The following BCAS4 variants were observed in gnomAD, a reference collection of about 807,000 sequenced individuals.
BCAS4 encodes breast carcinoma-amplified sequence 4.
BCAS4 carries 9 observed loss-of-function variants against 15.7 expected under a neutral mutation model. That is an observed-to-expected ratio of 0.57 (90% confidence interval 0.34 to 1.00). The LOEUF (loss-of-function observed/expected upper bound fraction) is 1.00, where lower values mean the gene tolerates loss of function less well. BCAS4 is among the 50% of genes least tolerant of loss of function. The pLI, the probability that BCAS4 is intolerant of heterozygous loss-of-function variation, is 0.02. For missense variants in BCAS4, 225 were observed against 239.1 expected, an observed-to-expected ratio of 0.94 and a Z score of 0.39; for synonymous variants, 101 against 99.5, an observed-to-expected ratio of 1.02 and a Z score of -0.09.
rs531006348 is a variant in BCAS4, at chr20:50,823,202, C to T, written c.162+4920C>T. Among the ~76,000 whole-genome samples the T allele has an allele frequency of 5.9e-5, 9 of 151,730 alleles. No individual in the cohort carries two copies. In the South Asian group the frequency reaches 6.3e-4, roughly 11 times the overall value. On this transcript the variant is annotated intron_variant, in intron 2 of 4. Coordinates refer to ENST00000371608, the MANE Select transcript of BCAS4 (RefSeq NM_198799.4). ...TAAAAATACAAAAATTAGTTGGGTG[C>T]GGTGGCATACACCTGTAGTACCAGC...
chr20:50,870,399 G>T (rs1347284560), intron 4 of BCAS4, among the ~76,000 whole-genome samples: 1 of 152,186 alleles, frequency 6.6e-6, no homozygotes, highest in Non-Finnish European at 1.5e-5. Context: ...TGTTCTGACT[G>T]GGGGGCTTCA....
At chr20:50,840,787 G>T (rs920383315) in intron 3 of BCAS4, 2 of 1,471,154 alleles carry the variant, frequency 1.4e-6, no homozygotes, top group Non-Finnish European at 1.9e-6. Flanking sequence ...ACGCGAGAAC[G>T]AGCGAAGTCT....
rs1299383260 is a variant in BCAS4 at position 50,795,078 on chromosome 20, C to T, written c.-6C>T. The stretch of plus-strand genomic sequence containing the variant: ...CCTCCGCCAGCCGGACCCCGTCGCC[C>T]TCCTGATGCTGCTCGTGGACGCTGA... On this transcript the variant is annotated 5_prime_UTR_variant, in exon 1 of 5. Transcript: ENST00000371608. 55 of 1,497,032 alleles carry T rather than the reference C, an allele frequency of 3.7e-5. No individual in the cohort carries two copies. The highest frequency in any genetic ancestry group is 4.8e-5 in the Non-Finnish European group (54 of 1,124,022). The allele number at this position is 1,497,032 out of a possible 1,614,324, so 92.7% of individuals were successfully genotyped here.
intron 4 of BCAS4, among the ~76,000 whole-genome samples, chr20:50,846,039 T>C (rs544944220): frequency 6.6e-6 from 1 of 152,332 alleles, no homozygotes; most frequent in African/African-American, 2.4e-5. Context: ...AGCCCTACCT[T>C]TGAGCTGCCT....
chr20:50,871,064 G>C lies in BCAS4; in HGVS notation c.400-5422G>C, dbSNP rs892668877. On this transcript the variant is annotated intron_variant, in intron 4 of 4. Transcript: ENST00000371608. ...CCCCAGCGGGGACTCATTCCCAGCC[G>C]GAGGGCGAGAGGTGGGACGTGGAGA... Among the ~76,000 whole-genome samples, 4 of 152,348 alleles carry C rather than the reference G, an allele frequency of 2.6e-5. No homozygotes were observed. The East Asian group carries it at 5.8e-4, about 22-fold the overall frequency.
chr20:50,878,178 C>T (rs1980034475), downstream of BCAS4: 1 of 152,022 alleles, frequency 6.6e-6, no homozygotes, highest in Non-Finnish European at 1.5e-5. Flanking sequence ...ATTCTCTTTT[C>T]TTTTTTTTCG....
chr20:50,856,541 T>G (rs746641206), intron 4 of BCAS4, among the ~76,000 whole-genome samples: 1 of 152,182 alleles, frequency 6.6e-6, no homozygotes, highest in Non-Finnish European at 1.5e-5. Flanking sequence ...AATTTCAAGG[T>G]GCCACCCTGA....
chr20:50,813,822 T>A (rs1276693321), intron 1 of BCAS4, among the ~76,000 whole-genome samples: 3 of 150,816 alleles, frequency 2.0e-5, no homozygotes, highest in Non-Finnish European at 3.0e-5. Flanking sequence ...AAACCATGAT[T>A]CGCAGGTGTT....
At chr20:50,795,000 C>G, upstream of BCAS4, 1 of 1,329,180 alleles carries the variant, frequency 7.5e-7, no homozygotes, top group Non-Finnish European at 9.6e-7. Context: ...GGGCATGCAG[C>G]GGACCGGGGG....
intron 3 of BCAS4, chr20:50,840,626 C>T: frequency 1.2e-6 from 2 of 1,604,242 alleles, no homozygotes; most frequent in Non-Finnish European, 1.7e-6. Context: ...TACGATTCGC[C>T]TGCTTGCTTC....
At chr20:50,867,286 A>G (rs1180339623) in intron 4 of BCAS4, among the ~76,000 whole-genome samples, 1 of 152,078 alleles carries the variant, frequency 6.6e-6, no homozygotes, top group African/African-American at 2.4e-5. Flanking sequence ...GGCCTATGAC[A>G]GTTTCTCAGA....
chr20:50,838,920 G>A (rs899166567), intron 3 of BCAS4, among the ~76,000 whole-genome samples: 7 of 152,062 alleles, frequency 4.6e-5, no homozygotes, highest in Non-Finnish European at 7.4e-5. Context: ...AGAGCAGGGC[G>A]CTATAGGCAG....
rs562999148 is a variant in BCAS4 at position 50,848,496 on chromosome 20, T to C, written c.399+6596T>C. Among the ~76,000 whole-genome samples, 13 of 151,788 alleles carry C rather than the reference T, an allele frequency of 8.6e-5. No individual in the cohort carries two copies. In the East Asian group the frequency reaches 2.5e-3, roughly 29 times the overall value. ...GCTGCCTGCATGAGCCAGGGCAGAG[T>C]GGAGAGAGAGAAGGTCTGGGAGGTA... On this transcript the variant is annotated intron_variant, in intron 4 of 4. Transcript: ENST00000371608.
chr20:50,804,101 C>T (rs546514345), intron 1 of BCAS4, among the ~76,000 whole-genome samples: 3 of 152,086 alleles, frequency 2.0e-5, no homozygotes, highest in Non-Finnish European at 2.9e-5. Context: ...TATAATGGCG[C>T]GATCTCAGCT....
intron 3 of BCAS4, among the ~76,000 whole-genome samples, chr20:50,838,324 C>G (rs1221392214): frequency 6.6e-6 from 1 of 152,168 alleles, no homozygotes; most frequent in East Asian, 1.9e-4. Context: ...TTTCAGAGGG[C>G]AATGAGGGCT....
chr20:50,795,120 C>A lies in BCAS4; in HGVS notation c.37C>A (p.Arg13Ser), dbSNP rs758469699. The change falls in exon 1 of 5, where the codon CGC (arginine) becomes AGC (serine). Residue 13 changes from arginine (R) to serine (S), a missense_variant. Transcript: ENST00000371608. ...LVDADQPEPM[R>S]SGARELALFL... is the part of the protein sequence containing the mutation. Reference sequence around the variant, plus strand: ...GGACGCTGATCAGCCGGAGCCCATGCGCAGCGGGGCGCGCGAGCTCGCGCT... The same window carrying A: ...GGACGCTGATCAGCCGGAGCCCATGAGCAGCGGGGCGCGCGAGCTCGCGCT... The A allele has an allele frequency of 3.4e-6, 5 of 1,489,038 alleles. No homozygotes were observed. The highest frequency in any genetic ancestry group is 4.5e-6 in the Non-Finnish European group (5 of 1,118,216). The allele number at this position is 1,489,038 out of a possible 1,614,324, so 92.2% of individuals were successfully genotyped here.
At chr20:50,870,009 G>A (rs57183386) in intron 4 of BCAS4, among the ~76,000 whole-genome samples, 36,871 of 151,926 alleles carry the variant, frequency 0.24, 6,658 homozygotes, top group African/African-American at 0.51. Flanking sequence ...TCAGCTTCCC[G>A]AAGTGCTGGG....
intron 3 of BCAS4, among the ~76,000 whole-genome samples, chr20:50,837,987 C>T (rs1350967127): frequency 1.4e-5 from 2 of 139,244 alleles, no homozygotes; most frequent in African/African-American, 3.0e-5. Context: ...CACACACGCA[C>T]ACATCTGCAC....
downstream of BCAS4, chr20:50,878,403 C>T (rs1980043026): frequency 6.6e-6 from 1 of 152,180 alleles, no homozygotes; most frequent in Non-Finnish European, 1.5e-5. Flanking sequence ...CTCCTGACCT[C>T]AGGTGATCCT....
Sources: gnomAD v4.1 joint callset for allele counts (sites outside exome capture counted in the v4.1 genomes callset) on GRCh38, gnomAD v4.1.1 for gene constraint, MANE v1.5 for transcripts, NCBI Gene and HGNC (gene_info 2026-07-23, HGNC 2026-07-21) for gene names.